Variants in UNC13C observed in about 807,000 individuals in gnomAD.
The protein encoded by UNC13C is unc-13 homolog C, also known as protein unc-13 homolog C.
Under a neutral mutation model 245.4 loss-of-function variants are expected in UNC13C, and 174 were observed. That is an observed-to-expected ratio of 0.71 (90% CI 0.63 to 0.80). The LOEUF (loss-of-function observed/expected upper bound fraction) is 0.80, where lower values mean the gene tolerates loss of function less well. UNC13C is among the 30% of genes least tolerant of loss of function. UNC13C has a pLI of 0.00. For missense variants in UNC13C, 2,829 were observed against 2,602.9 expected, an observed-to-expected ratio of 1.09 and a Z score of -1.89; for synonymous variants, 992 against 895.1, an observed-to-expected ratio of 1.11 and a Z score of -1.93.
the UNC13C span, among the ~76,000 whole-genome samples, chr15:53,854,669 C>A: frequency 6.6e-6 from 1 of 152,106 alleles, no homozygotes; most frequent in Admixed American, 6.6e-5. Flanking sequence ...TGTTTTTGTA[C>A]CAGTACCATG....
At chr15:54,090,428 A>G (rs1899502529) in intron 2 of UNC13C, among the ~76,000 whole-genome samples, 1 of 152,204 alleles carries the variant, frequency 6.6e-6, no homozygotes, top group Non-Finnish European at 1.5e-5. Context: ...ATGCTACTAA[A>G]TACTTAGTAT....
chr15:54,172,255 T>C (rs2033427480), intron 4 of UNC13C, among the ~76,000 whole-genome samples: 1 of 152,162 alleles, frequency 6.6e-6, no homozygotes, highest in South Asian at 2.1e-4. Context: ...AAGAGTATAA[T>C]TGGATTGTTT....
intron 2 of UNC13C, among the ~76,000 whole-genome samples, chr15:54,060,098 A>G (rs1595787970): frequency 7.2e-5 from 11 of 152,348 alleles, no homozygotes; most frequent in Admixed American, 5.2e-4. Flanking sequence ...AATGGCAACA[A>G]AAGCCAAAAT....
At chr15:53,917,978 G>A in the UNC13C span, among the ~76,000 whole-genome samples, 96 of 152,182 alleles carry the variant, frequency 6.3e-4, no homozygotes, top group Non-Finnish European at 1.1e-3. Flanking sequence ...TTTAAGGAAA[G>A]TAAGACATTC....
chr15:54,203,474 A>ATG (rs139567710), intron 4 of UNC13C, among the ~76,000 whole-genome samples: 22,055 of 132,756 alleles, frequency 0.17, 1,998 homozygotes, highest in Middle Eastern at 0.25. Context: ...GTGTGTGTAT[A>ATG]TGTGTGTGTG....
the UNC13C span, among the ~76,000 whole-genome samples, chr15:53,919,393 G>T: frequency 1.0e-3 from 153 of 152,286 alleles, 1 homozygote; most frequent in Non-Finnish European, 1.7e-3. Context: ...GTGTGCCTCA[G>T]TGAATCAGCG....
At chr15:54,228,152 A>G (rs1438667346) in intron 4 of UNC13C, among the ~76,000 whole-genome samples, 2 of 152,106 alleles carry the variant, frequency 1.3e-5, no homozygotes, top group South Asian at 4.1e-4. Context: ...GCCCATAGTG[A>G]GTACTGCCTG....
chr15:54,199,020 G>A (rs929966634), intron 4 of UNC13C, among the ~76,000 whole-genome samples: 3 of 151,804 alleles, frequency 2.0e-5, no homozygotes, highest in Non-Finnish European at 4.4e-5. Context: ...TGGAAATCAA[G>A]AACACACTCA....
chr15:54,254,356 T>C (rs1384914400), intron 8 of UNC13C, among the ~76,000 whole-genome samples: 5 of 152,238 alleles, frequency 3.3e-5, no homozygotes, highest in Admixed American at 6.5e-5. Context: ...TGTGAACATG[T>C]ATCTTGGAAA....
At chr15:54,440,580 C>T (rs151261876) in intron 19 of UNC13C, among the ~76,000 whole-genome samples, 40 of 152,062 alleles carry the variant, frequency 2.6e-4, no homozygotes, top group African/African-American at 9.6e-4. Context: ...GGGTTGGTTC[C>T]ATATCTTTTC....
At position 54,143,023 on chromosome 15, in the gene UNC13C, A is replaced by C; in HGVS notation, c.2989A>C (p.Ser997Arg). 7 of 1,611,812 alleles carry C rather than the reference A, an allele frequency of 4.3e-6. No individual in the cohort carries two copies. Among genetic ancestry groups the C allele is most frequent in the Non-Finnish European group, 5.9e-6 (7 of 1,179,006 alleles). ...LEEKILAGDS[S>R]SVDEKARIVS... Reference sequence around the variant, plus strand: ...TTTTCCTGATTCTCTTTCAGATAGCAGTTCTGTGGATGAAAAGGTTTTAAA... The same window carrying C: ...TTTTCCTGATTCTCTTTCAGATAGCCGTTCTGTGGATGAAAAGGTTTTAAA... Residue 997 changes from serine (S) to arginine (R), a missense_variant, in exon 3 of 33, where the codon AGT becomes CGT. Transcript: ENST00000260323.
chr15:53,930,659 A>G, the UNC13C span, among the ~76,000 whole-genome samples: 6 of 152,210 alleles, frequency 3.9e-5, no homozygotes, highest in African/African-American at 1.4e-4. Context: ...GCTGGATTTT[A>G]TTAGATCTGC....
intron 10 of UNC13C, among the ~76,000 whole-genome samples, chr15:54,284,143 A>G (rs530738808): frequency 6.6e-6 from 1 of 152,320 alleles, no homozygotes; most frequent in Non-Finnish European, 1.5e-5. Flanking sequence ...TTTTAGAAAG[A>G]ACACATATCG....
intron 2 of UNC13C, among the ~76,000 whole-genome samples, chr15:54,137,933 CTTT>C (rs901860250): frequency 6.6e-6 from 1 of 151,804 alleles, no homozygotes; most frequent in South Asian, 2.1e-4. Flanking sequence ...TATTTGAGAT[CTTT>C]TTTTAAATGT....
rs1165191714 is a variant in UNC13C at position 54,321,956 on chromosome 15, C to A, written c.4286C>A (p.Ser1429Tyr). ...YQAMTHFSCL[S>Y]SKYMCPGVPA... is the part of the protein sequence containing the mutation. ...TCTTTCAGGCACTTTTCATGTCTGT[C>A]TTCTAAATACATGTGCCCCGGTGTC... is the stretch of plus-strand genomic sequence containing the variant. The change falls in exon 14 of 33, where the codon TCT becomes TAT. Residue 1429 changes from serine (S) to tyrosine (Y), a missense_variant. By Grantham distance (144) the Ser-to-Tyr change is moderately radical (BLOSUM62 -2). Transcript: ENST00000260323. 1 of 1,576,958 alleles carries A rather than the reference C, an allele frequency of 6.3e-7. No homozygotes were observed. Among genetic ancestry groups the A allele is most frequent in the Non-Finnish European group, 8.6e-7 (1 of 1,160,430 alleles).
the UNC13C span, among the ~76,000 whole-genome samples, chr15:53,962,462 T>G: frequency 6.6e-6 from 1 of 152,204 alleles, no homozygotes; most frequent in African/African-American, 2.4e-5. Context: ...TATTTTATTT[T>G]CATGTGTGAG....
chr15:54,614,069 T>C (rs1900272310), intron 30 of UNC13C, among the ~76,000 whole-genome samples: 1 of 152,072 alleles, frequency 6.6e-6, no homozygotes, highest in Admixed American at 6.6e-5. Context: ...ATTGTCATAC[T>C]GCTTTCCTTT....
chr15:54,387,895 T>C (rs1489649653), intron 17 of UNC13C, among the ~76,000 whole-genome samples: 1 of 152,202 alleles, frequency 6.6e-6, no homozygotes, highest in Non-Finnish European at 1.5e-5. Flanking sequence ...ACCTTGTTGC[T>C]AAGATCTTTA....
intron 4 of UNC13C, among the ~76,000 whole-genome samples, chr15:54,175,146 T>C (rs920447393): frequency 1.3e-5 from 2 of 152,154 alleles, no homozygotes; most frequent in Non-Finnish European, 2.9e-5. Context: ...ACCACTTTTG[T>C]TCTCCCTGCA....
Sources: allele counts gnomAD v4.1 joint callset (sites outside exome capture counted in the v4.1 genomes callset), GRCh38; gene constraint gnomAD v4.1.1; transcripts MANE v1.5; gene names NCBI Gene and HGNC (gene_info 2026-07-23, HGNC 2026-07-21).